The following LPCAT2 variants were observed in gnomAD, a reference collection of about 807,000 sequenced individuals.
LPCAT2 encodes the protein 1-AGP acyltransferase 11.
In LPCAT2, 58 loss-of-function variants were observed where a neutral mutation model predicts 64.7. That is an observed-to-expected ratio of 0.90 (90% CI 0.73 to 1.12). The LOEUF (loss-of-function observed/expected upper bound fraction) is 1.12. Among genes scored for constraint, LPCAT2 ranks in the 50% most tolerant of loss-of-function variants. The probability of loss-of-function intolerance (pLI) is 0.00; values close to 1 mark genes in which losing one functional copy is unlikely to be tolerated. For missense variants in LPCAT2, 579 were observed against 669.8 expected (o/e 0.86, Z 1.50); for synonymous variants, 252 against 245.3 (o/e 1.03, Z -0.26).
chr16:55,578,973 A>G (rs919707199), intron 12 of LPCAT2, 136 bp from the exon 13 acceptor site: 3 of 779,260 alleles, frequency 3.8e-6, no homozygotes, highest in Non-Finnish European at 6.4e-6. Flanking sequence ...GGTAGTAGAG[A>G]TGATACTTTC....
At position 55,531,940 on chromosome 16, in the gene LPCAT2, T is replaced by C. The variant is rs764103737; in HGVS notation, c.669T>C (p.Cys223=). The change falls in exon 5 of 14, where the codon TGT becomes TGC. Residue 223 remains cysteine, a synonymous_variant. Transcript: ENST00000262134. ...PQILVFPEGT[C]TNRSCLITFK... is the part of the protein sequence containing the mutation. The stretch of plus-strand genomic sequence containing the variant: ...TACTAGTTTTCCCAGAAGGTACTTG[T>C]ACTAATCGTTCCTGTTTGATTACTT... The C allele has an allele frequency of 3.1e-6, 5 of 1,591,684 alleles. No homozygotes were observed. Among genetic ancestry groups the C allele is most frequent in the Admixed American group, 3.3e-5 (2 of 59,848 alleles).
At chr16:55,568,148 T>TTA (rs1567405390) in intron 11 of LPCAT2, among the ~76,000 whole-genome samples, 1 of 127,300 alleles carries the variant, frequency 7.9e-6, no homozygotes, top group Non-Finnish European at 1.9e-5. Context: ...GTTTCTTTAG[T>TTA]AAAAAAAAGC....
chr16:55,509,717 C>T (rs1317018456), intron 1 of LPCAT2, among the ~76,000 whole-genome samples: 1 of 151,890 alleles, frequency 6.6e-6, no homozygotes, highest in African/African-American at 2.4e-5. Context: ...TCTGAGGGGC[C>T]GTGAGCCTGA....
intron 8 of LPCAT2, among the ~76,000 whole-genome samples, chr16:55,543,441 T>C (rs1218490064): frequency 2.6e-5 from 4 of 152,212 alleles, no homozygotes; most frequent in Admixed American, 2.0e-4. Context: ...AATGGTTGTT[T>C]GACTTTTTTA....
chr16:55,509,945 T>A (rs1285243213), intron 1 of LPCAT2, among the ~76,000 whole-genome samples: 2 of 143,862 alleles, frequency 1.4e-5, no homozygotes. Context: ...TTTATGAGAG[T>A]GTAGTGGGAG....
chr16:55,579,274 G>A, intron 13 of LPCAT2, 30 bp downstream of exon 13: 2 of 1,605,602 alleles, frequency 1.2e-6, no homozygotes, highest in Non-Finnish European at 1.7e-6. Context: ...TCCTGACTTA[G>A]TTTACAAGGA....
chr16:55,531,854 G>A (rs28373256), intron 4 of LPCAT2, 60 bp from the exon 5 acceptor site: 50,768 of 1,074,264 alleles, frequency 0.047, 1,510 homozygotes, highest in Non-Finnish European at 0.06. Context: ...ATAAGAAAGC[G>A]AGTAAAGAGG....
At position 55,509,173 on chromosome 16, in the gene LPCAT2, GGC is replaced by G; in HGVS notation, c.-8_-7del. The stretch of plus-strand genomic sequence containing the variant: ...ATCGCTTCGGCCGGGTTCTACGCCC[GGC>G]TCAACTATGAGCCGGTGCGCCCAGG... On this transcript the variant is annotated 5_prime_UTR_variant, in exon 1 of 14. Coordinates refer to ENST00000262134, the MANE Select transcript of LPCAT2 (RefSeq NM_017839.5). 1 of 1,345,094 alleles carries G rather than the reference GGC, an allele frequency of 7.4e-7. No homozygotes were observed. The highest frequency in any genetic ancestry group is 9.6e-7 in the Non-Finnish European group (1 of 1,043,566). 83.3% of individuals were successfully genotyped at this position (1,345,094 alleles called of 1,614,324 possible).
At chr16:55,572,408 G>A (rs1359769482) in intron 11 of LPCAT2, among the ~76,000 whole-genome samples, 1 of 152,116 alleles carries the variant, frequency 6.6e-6, no homozygotes, top group African/African-American at 2.4e-5. Flanking sequence ...TTCTATTTAA[G>A]ACTTCTATGT....
chr16:55,535,557 A>C (rs1363967421), intron 7 of LPCAT2, among the ~76,000 whole-genome samples: 1 of 152,224 alleles, frequency 6.6e-6, no homozygotes, highest in African/African-American at 2.4e-5. Context: ...TCTAAACAGC[A>C]TATTATCTTT....
Position 55,509,188 on chromosome 16 carries a change from C to T in LPCAT2, c.7C>T (p.Arg3Trp), listed in dbSNP as rs1325111398. The T allele has an allele frequency of 9.3e-6, 13 of 1,396,260 alleles. No homozygotes were observed. The African/African-American group carries it at 1.9e-4, about 21-fold the overall frequency. 86.5% of individuals were successfully genotyped at this position (1,396,260 alleles called of 1,614,324 possible). A position where few individuals can be genotyped will look rare whatever the true frequency, so the allele number is the denominator to read the frequency against. The change falls in exon 1 of 14, where the codon CGG becomes TGG. Residue 3 changes from arginine (R) to tryptophan (W), a missense_variant. Physicochemically the swap from Arg to Trp is moderately radical, Grantham distance 101 (BLOSUM62 -3). Coordinates refer to ENST00000262134, the MANE Select transcript of LPCAT2 (RefSeq NM_017839.5). MS[R>W]CAQAAEVAAT... ...TTCTACGCCCGGCTCAACTATGAGC[C>T]GGTGCGCCCAGGCGGCGGAAGTGGC...
chr16:55,510,805 T>G (rs1320822697), intron 1 of LPCAT2, among the ~76,000 whole-genome samples: 1 of 152,234 alleles, frequency 6.6e-6, no homozygotes, highest in Non-Finnish European at 1.5e-5. Context: ...TTGTTCAAGA[T>G]TAAATTTAGT....
At chr16:55,534,615 A>G in intron 7 of LPCAT2, 138 bp downstream of exon 7, 1 of 446,874 alleles carries the variant, frequency 2.2e-6, no homozygotes, top group South Asian at 3.6e-5. Context: ...TTCTGATCAG[A>G]GCCCTAAGTC....
chr16:55,524,932 A>G (rs1350532536), intron 1 of LPCAT2, among the ~76,000 whole-genome samples: 5 of 152,114 alleles, frequency 3.3e-5, no homozygotes, highest in East Asian at 1.9e-4. Context: ...GGTGTATTAC[A>G]TAGTAAGCAT....
intron 11 of LPCAT2, among the ~76,000 whole-genome samples, chr16:55,574,358 C>G (rs1303664382): frequency 6.6e-6 from 1 of 152,140 alleles, no homozygotes; most frequent in African/African-American, 2.4e-5. Context: ...CATGGCAAAG[C>G]TGAGCTCAAG....
chr16:55,518,190 T>G (rs1963040510), intron 1 of LPCAT2, among the ~76,000 whole-genome samples: 1 of 152,190 alleles, frequency 6.6e-6, no homozygotes, highest in African/African-American at 2.4e-5. Flanking sequence ...CGATTTAATT[T>G]AGCATCAAAA....
At chr16:55,559,276 T>C (rs1476905149) in intron 11 of LPCAT2, among the ~76,000 whole-genome samples, 2 of 152,238 alleles carry the variant, frequency 1.3e-5, no homozygotes. Flanking sequence ...TCTTCTGGCA[T>C]TACTATGTAC....
intron 11 of LPCAT2, 107 bp downstream of exon 11, chr16:55,551,209 C>T: frequency 1.0e-6 from 1 of 970,892 alleles, no homozygotes; most frequent in Non-Finnish European, 1.4e-6. Context: ...TTAGAAGAAT[C>T]AAGGCTGAGC....
chr16:55,522,027 T>C (rs1463391876), intron 1 of LPCAT2, among the ~76,000 whole-genome samples: 2 of 148,414 alleles, frequency 1.3e-5, no homozygotes, highest in Admixed American at 6.8e-5. Flanking sequence ...AAAAGACATA[T>C]TGATTAGAAT....
Sources: allele counts gnomAD v4.1 joint callset (sites outside exome capture counted in the v4.1 genomes callset), GRCh38; gene constraint gnomAD v4.1.1; transcripts MANE v1.5; gene names NCBI Gene and HGNC (gene_info 2026-07-23, HGNC 2026-07-21).